The following ZZZ3 variants were observed in gnomAD, a reference collection of about 807,000 sequenced individuals.
The protein encoded by ZZZ3 is ZZ-type zinc finger-containing protein 3.
ZZZ3 carries 22 observed loss-of-function variants against 95.2 expected under a neutral mutation model. That is an observed-to-expected ratio of 0.23 (90% CI 0.17 to 0.33). ZZZ3 has a LOEUF of 0.33. Among genes scored for constraint, ZZZ3 ranks in the 10% least tolerant of loss-of-function variants. ZZZ3 has a pLI of 1.00. For missense variants in ZZZ3, 885 were observed against 1,066.5 expected, an observed-to-expected ratio of 0.83 and a Z score of 2.37; for synonymous variants, 335 against 358.9, an observed-to-expected ratio of 0.93 and a Z score of 0.75.
intron 1 of ZZZ3, among the ~76,000 whole-genome samples, chr1:77,648,021 G>T (rs1281180586): frequency 6.6e-6 from 1 of 152,122 alleles, no homozygotes; most frequent in South Asian, 2.1e-4. Flanking sequence ...AAAAAATCCA[G>T]CTCCAAACAA....
chr1:77,632,599 G>A lies in ZZZ3; in HGVS notation c.756C>T (p.Phe252=), dbSNP rs777954694. The A allele has an allele frequency of 1.2e-6, 2 of 1,614,078 alleles. No homozygotes were observed. Among genetic ancestry groups the A allele is most frequent in the Non-Finnish European group, 1.7e-6 (2 of 1,180,004 alleles). ...AACTGTCCTCCTTCCTACTATCAAG[G>A]AACATTGAAGTTTGGGTATCCGTAT... The part of the protein sequence containing the change: ...NGDTDTQTSM[F]LDSRKEDSYI... Residue 252 remains phenylalanine (F), a synonymous_variant, in exon 5 of 15, where the codon TTC becomes TTT. Transcript: ENST00000370801.
At chr1:77,671,480 T>C (rs1378643946) in intron 1 of ZZZ3, among the ~76,000 whole-genome samples, 1 of 152,162 alleles carries the variant, frequency 6.6e-6, no homozygotes, top group Non-Finnish European at 1.5e-5. Context: ...AAGATACATA[T>C]GAAGATAGCA....
At chr1:77,659,874 C>T (rs1670633031) in intron 1 of ZZZ3, among the ~76,000 whole-genome samples, 1 of 151,900 alleles carries the variant, frequency 6.6e-6, no homozygotes, top group Non-Finnish European at 1.5e-5. Context: ...CTCTTGTCAC[C>T]CAGGCTAGAG....
intron 5 of ZZZ3, among the ~76,000 whole-genome samples, chr1:77,629,329 C>T (rs977847002): frequency 3.9e-5 from 6 of 152,098 alleles, no homozygotes; most frequent in East Asian, 1.9e-4. Flanking sequence ...CTCAAAAGTG[C>T]GATCCTAGCC....
At chr1:77,666,501 C>G (rs1033640540) in intron 1 of ZZZ3, among the ~76,000 whole-genome samples, 36 of 152,088 alleles carry the variant, frequency 2.4e-4, no homozygotes, top group African/African-American at 8.5e-4. Flanking sequence ...CCACTGCACT[C>G]CAGCCTGGGC....
In ZZZ3 at chr1:77,632,903, A is replaced by G. The variant is rs1667940657; in HGVS notation, c.452T>C (p.Val151Ala). The change falls in exon 5 of 15, where the codon GTG becomes GCG. Residue 151 changes from valine to alanine, a missense_variant. By Grantham distance (64) the Val-to-Ala change is moderately conservative. This residue lies in a region of ZZZ3 where 556 missense variants were observed against 652.9 expected (regional missense o/e 0.85). Transcript: ENST00000370801. The stretch of plus-strand genomic sequence containing the variant: ...CCCTTGAAAATCTGCATCATTGTCC[A>G]CTACTGTACTCCTCTGTTCTACTGA... ...KESVEQRSTV[V>A]DNDADFQGTK... 6.2e-7 allele frequency: 1 copy of G among 1,614,126 alleles called. No individual in the cohort carries two copies. The highest frequency in any genetic ancestry group is 8.5e-7 in the Non-Finnish European group (1 of 1,180,014).
chr1:77,579,776 A>T, intron 9 of ZZZ3, 148 bp from the exon 10 acceptor site: 1 of 469,250 alleles, frequency 2.1e-6, no homozygotes, highest in Non-Finnish European at 3.7e-6. Context: ...TCATGGTAGG[A>T]AAAATTTCTA....
At chr1:77,646,611 T>C (rs959352445) in intron 1 of ZZZ3, among the ~76,000 whole-genome samples, 1 of 152,200 alleles carries the variant, frequency 6.6e-6, no homozygotes, top group African/African-American at 2.4e-5. Flanking sequence ...AAGAGACTTA[T>C]GCTTCTTGCC....
chr1:77,647,509 ACT>A (rs1246519459), intron 1 of ZZZ3, among the ~76,000 whole-genome samples: 3 of 150,848 alleles, frequency 2.0e-5, no homozygotes, highest in African/African-American at 7.3e-5. Context: ...ACCTAGTGAG[ACT>A]CTGTCTCAGG....
intron 5 of ZZZ3, among the ~76,000 whole-genome samples, chr1:77,621,503 T>C (rs941103880): frequency 1.4e-5 from 2 of 144,952 alleles, no homozygotes; most frequent in African/African-American, 5.2e-5. Context: ...AAAATTTAAA[T>C]TTAAATTTAA....
chr1:77,601,099 G>T (rs1664686401), intron 5 of ZZZ3, among the ~76,000 whole-genome samples: 1 of 152,200 alleles, frequency 6.6e-6, no homozygotes. Flanking sequence ...CTGTATTAAG[G>T]TAGTGGGGAT....
At chr1:77,621,484 T>C (rs1419521090) in intron 5 of ZZZ3, among the ~76,000 whole-genome samples, 7 of 144,634 alleles carry the variant, frequency 4.8e-5, no homozygotes, top group Admixed American at 4.8e-4. Context: ...GGAAAAAATT[T>C]AAGAAATAAA....
chr1:77,573,695 A>T (rs543625828), intron 12 of ZZZ3, among the ~76,000 whole-genome samples: 2 of 152,342 alleles, frequency 1.3e-5, no homozygotes, highest in East Asian at 3.9e-4. Flanking sequence ...GGAAATTTTA[A>T]AATTTTTATG....
intron 1 of ZZZ3, among the ~76,000 whole-genome samples, chr1:77,675,586 A>G (rs557473828): frequency 6.6e-6 from 1 of 152,276 alleles, no homozygotes; most frequent in Non-Finnish European, 1.5e-5. Context: ...GTGTTCTTCA[A>G]GCACAGGACA....
chr1:77,630,013 GA>G (rs952920312), intron 5 of ZZZ3, among the ~76,000 whole-genome samples: 8 of 151,852 alleles, frequency 5.3e-5, no homozygotes, highest in African/African-American at 1.7e-4. Context: ...TGAATTACTA[GA>G]AAAAAAATTT....
intron 1 of ZZZ3, among the ~76,000 whole-genome samples, chr1:77,678,818 A>C (rs1177042410): frequency 6.6e-6 from 1 of 152,204 alleles, no homozygotes; most frequent in Non-Finnish European, 1.5e-5. Context: ...TTGAAGGCTT[A>C]GAGATTTTTT....
intron 1 of ZZZ3, among the ~76,000 whole-genome samples, chr1:77,651,580 G>A (rs1306538140): frequency 6.6e-6 from 1 of 152,174 alleles, no homozygotes; most frequent in South Asian, 2.1e-4. Flanking sequence ...CAGGGACTAA[G>A]GGAGGGGGAA....
intron 13 of ZZZ3, 60 bp downstream of exon 13, chr1:77,568,272 C>CTT (rs1444850001): frequency 1.4e-6 from 2 of 1,432,194 alleles, no homozygotes; most frequent in Non-Finnish European, 1.9e-6. Flanking sequence ...GAGTGAGACT[C>CTT]TGTCTCTAAA....
chr1:77,602,448 TG>T (rs532424671), intron 5 of ZZZ3, among the ~76,000 whole-genome samples: 153 of 152,298 alleles, frequency 1.0e-3, no homozygotes, highest in African/African-American at 3.4e-3. Context: ...TCTAAAGCAT[TG>T]GGGTTGACCA....
Sources: allele counts gnomAD v4.1 joint callset (sites outside exome capture counted in the v4.1 genomes callset), GRCh38; gene constraint gnomAD v4.1.1; regional missense constraint gnomAD v4.1.1; transcripts MANE v1.5; gene names NCBI Gene and HGNC (gene_info 2026-07-23, HGNC 2026-07-21).